The following SMC1B variants were observed in gnomAD, a reference collection of about 807,000 sequenced individuals.
SMC1B encodes the protein structural maintenance of chromosomes protein 1B.
SMC1B carries 60 observed loss-of-function variants against 157.9 expected under a neutral mutation model. The ratio of observed to expected loss-of-function variants is 0.38; its 90% confidence interval spans 0.31 to 0.47. The LOEUF is 0.47. Among genes scored for constraint, SMC1B ranks in the 20% least tolerant of loss-of-function variants. The pLI is 0.99. For synonymous variants in SMC1B, 445 were observed against 483.0 expected, an observed-to-expected ratio of 0.92 and a Z score of 1.03; for missense variants, 1,165 against 1,426.2, an observed-to-expected ratio of 0.82 and a Z score of 2.95.
chr22:45,358,858 C>T (rs1453460357), intron 18 of SMC1B, 63 bp from the exon 19 acceptor site: 11 of 1,066,826 alleles, frequency 1.0e-5, no homozygotes, highest in Non-Finnish European at 1.4e-5. Context: ...GGGAGTGGTT[C>T]ATGGCACTCC....
Position 45,358,760 on chromosome 22 carries a change from A to G in SMC1B, c.2898T>C (p.Ile966=). ...AGGCTTCTTCTTTTTCATAGATATC[A>G]ATTGTTGCCTGGGTACTTTCTGCTT... is the stretch of plus-strand genomic sequence containing the variant. ...GTEAESTQAT[I]DIYEKEEAFE... The change falls in exon 19 of 25, where the codon ATT becomes ATC. Residue 966 remains isoleucine (I), a synonymous_variant. Transcript: ENST00000357450. 1 of 1,613,242 alleles carries G rather than the reference A, an allele frequency of 6.2e-7. No homozygotes were observed. The highest frequency in any genetic ancestry group is 8.5e-7 in the Non-Finnish European group (1 of 1,179,582).
At chr22:45,408,981 C>A in intron 1 of SMC1B, 83 bp from the exon 2 acceptor site, 1 of 787,196 alleles carries the variant, frequency 1.3e-6, no homozygotes, top group Non-Finnish European at 2.0e-6. Flanking sequence ...GGCCACCAAT[C>A]GAAGTGAAAT....
At chr22:45,378,599 T>C (rs1392740410) in intron 12 of SMC1B, among the ~76,000 whole-genome samples, 1 of 152,192 alleles carries the variant, frequency 6.6e-6, no homozygotes, top group East Asian at 1.9e-4. Flanking sequence ...GCTGAAATGT[T>C]CCACTATATT....
At chr22:45,357,419 C>T (rs2086680453) in intron 19 of SMC1B, among the ~76,000 whole-genome samples, 1 of 152,228 alleles carries the variant, frequency 6.6e-6, no homozygotes, top group Non-Finnish European at 1.5e-5. Context: ...AAGGGTGTGC[C>T]ACACCATCAC....
At chr22:45,361,698 C>T in intron 17 of SMC1B, 141 bp downstream of exon 17, 2 of 786,628 alleles carry the variant, frequency 2.5e-6, no homozygotes, top group Non-Finnish European at 4.1e-6. Flanking sequence ...AAAAAAATTA[C>T]AATGTTTGAA....
At chr22:45,358,839 G>T in intron 18 of SMC1B, 44 bp from the exon 19 acceptor site, 1 of 1,433,480 alleles carries the variant, frequency 7.0e-7, no homozygotes, top group Non-Finnish European at 9.8e-7. Context: ...TAAGTTTGTT[G>T]TCTTATATGG....
At chr22:45,380,763 A>C (rs1031681394) in intron 12 of SMC1B, among the ~76,000 whole-genome samples, 1 of 152,004 alleles carries the variant, frequency 6.6e-6, no homozygotes, top group African/African-American at 2.4e-5. Flanking sequence ...ACAAAAAATT[A>C]AAATAAAAAA....
chr22:45,345,861 C>G (rs1351429872), intron 23 of SMC1B, among the ~76,000 whole-genome samples: 4 of 152,156 alleles, frequency 2.6e-5, no homozygotes, highest in Admixed American at 6.5e-5. Context: ...AAGAAAAAAA[C>G]TACCACTCAG....
chr22:45,399,961 T>G (rs1196746189), intron 5 of SMC1B, among the ~76,000 whole-genome samples: 2 of 152,132 alleles, frequency 1.3e-5, no homozygotes, highest in Non-Finnish European at 2.9e-5. Flanking sequence ...ATTGTTGAAG[T>G]GGGAGGTTAC....
At chr22:45,401,663 C>A (rs184806176) in intron 5 of SMC1B, among the ~76,000 whole-genome samples, 2 of 152,202 alleles carry the variant, frequency 1.3e-5, no homozygotes, top group Non-Finnish European at 2.9e-5. Flanking sequence ...AATCAGACAC[C>A]GCCTCCTCAA....
chr22:45,361,728 G>T, intron 17 of SMC1B, 111 bp downstream of exon 17: 1 of 1,053,168 alleles, frequency 9.5e-7, no homozygotes, highest in South Asian at 1.5e-5. Context: ...GTGAGACCAA[G>T]AGCAACAAAG....
chr22:45,409,609 T>TAAATAAAAAAAAAAC (rs1471181472), intron 1 of SMC1B, among the ~76,000 whole-genome samples: 1 of 84,298 alleles, frequency 1.2e-5, no homozygotes, highest in Non-Finnish European at 2.4e-5. Flanking sequence ...AATAAATAAA[T>TAAATAAAAAAAAAAC]AAAAACAAGA....
At position 45,383,617 on chromosome 22, in the gene SMC1B, T is replaced by G. The variant is rs769107513; in HGVS notation, c.1912-4A>C. ...ATGTTCCATCAAGAGCTACTGTCTG[T>G]AAAAGTAAAAATATTTTGCCCTGGA... On this transcript the variant is annotated splice_region_variant and splice_polypyrimidine_tract_variant and intron_variant, in intron 11 of 24. Transcript: ENST00000357450. The G allele has an allele frequency of 6.3e-7, 1 of 1,578,606 alleles. No individual in the cohort carries two copies. Among genetic ancestry groups the G allele is most frequent in the Admixed American group, 2.0e-5 (1 of 49,298 alleles).
intron 11 of SMC1B, among the ~76,000 whole-genome samples, chr22:45,384,134 A>G (rs2086966670): frequency 6.6e-6 from 1 of 152,202 alleles, no homozygotes; most frequent in South Asian, 2.1e-4. Flanking sequence ...GGTATTTCCC[A>G]TATGAGTGAG....
intron 1 of SMC1B, among the ~76,000 whole-genome samples, chr22:45,410,594 T>A (rs2087320910): frequency 6.6e-6 from 1 of 152,130 alleles, no homozygotes; most frequent in African/African-American, 2.4e-5. Context: ...TCCCAGCTAC[T>A]CGGGAGGCTG....
At chr22:45,363,124 A>G in intron 15 of SMC1B, 98 bp from the exon 16 acceptor site, 1 of 844,448 alleles carries the variant, frequency 1.2e-6, no homozygotes, top group Non-Finnish European at 1.8e-6. Context: ...AAGTAAAAGG[A>G]ATACTATAAT....
At position 45,344,394 on chromosome 22, in the gene SMC1B, C is replaced by G. The variant is rs1263271177; in HGVS notation, c.*162G>C. ...CCTACTAGAATGAGGTCTGAACACT[C>G]AACTAAAGTGAGCCACAGCCTCTTT... On this transcript the variant is annotated 3_prime_UTR_variant, in exon 25 of 25. Coordinates refer to ENST00000357450, the MANE Select transcript of SMC1B (RefSeq NM_148674.5). 1.9e-6 allele frequency: 1 copy of G among 523,616 alleles called. No individual in the cohort carries two copies. Among genetic ancestry groups the G allele is most frequent in the Non-Finnish European group, 3.4e-6 (1 of 290,022 alleles). 32.4% of individuals were successfully genotyped at this position (523,616 alleles called of 1,614,324 possible). A position where few individuals can be genotyped will look rare whatever the true frequency, so the allele number is the denominator to read the frequency against.
chr22:45,387,839 C>T (rs2087006456), intron 10 of SMC1B, among the ~76,000 whole-genome samples: 1 of 152,108 alleles, frequency 6.6e-6, no homozygotes, highest in South Asian at 2.1e-4. Context: ...CAAGACCAGC[C>T]TGGCCAACAT....
Position 45,355,013 on chromosome 22 carries a change from G to A in SMC1B, c.3064C>T (p.Arg1022Ter), listed in dbSNP as rs370620450. ...ACAGTCTTTAAGTTCTCCAGTGCTC[G>A]TAGGTTTGGGGCTGCTGTTTTCAGT... is the stretch of plus-strand genomic sequence containing the variant. ...ILLKTAAPNL[R>*]ALENLKTVRD... Residue 1022 changes from arginine (R) to a stop codon, truncating the protein, a stop_gained, in exon 20 of 25, where the codon CGA becomes TGA. Coordinates refer to ENST00000357450, the MANE Select transcript of SMC1B (RefSeq NM_148674.5). LOFTEE classifies it high-confidence loss of function. 1.2e-6 allele frequency: 2 copies of A among 1,614,028 alleles called. No individual in the cohort carries two copies. Among genetic ancestry groups the A allele is most frequent in the Non-Finnish European group, 1.7e-6 (2 of 1,180,022 alleles).
Sources: allele counts gnomAD v4.1 joint callset (sites outside exome capture counted in the v4.1 genomes callset), GRCh38; gene constraint gnomAD v4.1.1; transcripts MANE v1.5; gene names NCBI Gene and HGNC (gene_info 2026-07-23, HGNC 2026-07-21).